Variants in ANO1 observed in about 807,000 individuals in gnomAD.
The protein encoded by ANO1 is anoctamin 1.
Under a neutral mutation model 124.0 loss-of-function variants are expected in ANO1, and 59 were observed. The observed-to-expected ratio is 0.48, with a 90% CI of 0.39 to 0.59. The LOEUF (loss-of-function observed/expected upper bound fraction) is 0.59, where lower values mean the gene tolerates loss of function less well. ANO1 is among the 20% of genes least tolerant of loss of function. The probability of loss-of-function intolerance (pLI) is 0.00; values close to 1 mark genes in which losing one functional copy is unlikely to be tolerated. For missense variants in ANO1, 1,059 were observed against 1,328.0 expected, an observed-to-expected ratio of 0.80 and a Z score of 3.15; for synonymous variants, 529 against 532.0, an observed-to-expected ratio of 0.99 and a Z score of 0.08.
chr11:70,120,625 G>A (rs2046221544), intron 8 of ANO1, among the ~76,000 whole-genome samples: 1 of 152,168 alleles, frequency 6.6e-6, no homozygotes, highest in Non-Finnish European at 1.5e-5. Context: ...GGCCCTGTTG[G>A]AGGCATGGAG....
chr11:70,125,959 G>A (rs2046494623), intron 9 of ANO1, 102 bp from the exon 10 acceptor site: 1 of 1,416,028 alleles, frequency 7.1e-7, no homozygotes, highest in South Asian at 1.5e-5. Context: ...GGGAACCAGT[G>A]CCCCTGGTTT....
At chr11:70,107,076 C>G (rs1365130715) in intron 5 of ANO1, among the ~76,000 whole-genome samples, 1 of 152,042 alleles carries the variant, frequency 6.6e-6, no homozygotes, top group African/African-American at 2.4e-5. Context: ...TGGGCCATAA[C>G]TGCATGTGGA....
intron 1 of ANO1, among the ~76,000 whole-genome samples, chr11:70,038,563 C>T (rs1857130779): frequency 6.6e-6 from 1 of 152,112 alleles, no homozygotes; most frequent in African/African-American, 2.4e-5. Flanking sequence ...CACCCATTTC[C>T]AACAATTTGG....
chr11:70,079,703 C>A (rs866318550), intron 1 of ANO1, among the ~76,000 whole-genome samples: 1 of 152,230 alleles, frequency 6.6e-6, no homozygotes, highest in Non-Finnish European at 1.5e-5. Flanking sequence ...GGCGTCAGGC[C>A]CAGCAGGGCT....
chr11:70,095,323 A>AAG (rs2044846639), intron 2 of ANO1, among the ~76,000 whole-genome samples: 3 of 118,610 alleles, frequency 2.5e-5, no homozygotes, highest in Non-Finnish European at 3.7e-5. Flanking sequence ...AAAGAAAGGA[A>AAG]AGAAAGAAAG....
intron 11 of ANO1, 42 bp from the exon 12 acceptor site, chr11:70,149,668 C>T: frequency 6.4e-7 from 1 of 1,559,046 alleles, no homozygotes; most frequent in Non-Finnish European, 8.7e-7. Flanking sequence ...AAAAAAAATG[C>T]CTTTATGTCA....
At chr11:70,059,091 C>T (rs1857508469) in intron 1 of ANO1, among the ~76,000 whole-genome samples, 1 of 151,544 alleles carries the variant, frequency 6.6e-6, no homozygotes, top group Non-Finnish European at 1.5e-5. Context: ...ACTTAGAAGG[C>T]TGAGGCAGGA....
intron 1 of ANO1, among the ~76,000 whole-genome samples, chr11:70,006,277 T>A (rs1361200754): frequency 1.3e-5 from 2 of 152,198 alleles, no homozygotes; most frequent in African/African-American, 2.4e-5. Flanking sequence ...AAGCGTGTGT[T>A]CCCATTGTCA....
Position 70,078,663 on chromosome 11 carries a change from C to G in ANO1, c.57C>G (p.Ile19Met). The G allele has an allele frequency of 6.7e-7, 1 of 1,501,588 alleles. No individual in the cohort carries two copies. Among genetic ancestry groups the G allele is most frequent in the Non-Finnish European group, 9.0e-7 (1 of 1,114,888 alleles). The allele number at this position is 1,501,588 out of a possible 1,614,324, so 93.0% of individuals were successfully genotyped here. Reference protein sequence around the residue: ...TLPAEDRSVHIINICAIEDIG... With the variant: ...TLPAEDRSVHMINICAIEDIG... Reference sequence around the variant, plus strand: ...CGGCCGAGGACCGCAGCGTCCACATCATCAACATCTGCGCCATCGAGGACA... The same window carrying G: ...CGGCCGAGGACCGCAGCGTCCACATGATCAACATCTGCGCCATCGAGGACA... Residue 19 changes from isoleucine (I) to methionine (M), a missense_variant, in exon 1 of 26, where the codon ATC becomes ATG. Physicochemically the swap from Ile to Met is conservative, Grantham distance 10. Around this residue, in one of 2 missense-constraint regions of ANO1, gnomAD observed 250 missense variants for 233.1 expected, o/e 1.07. Coordinates refer to ENST00000355303, the MANE Select transcript of ANO1 (RefSeq NM_018043.7).
In ANO1 at chr11:70,132,078, G is replaced by C; in HGVS notation, c.1257G>C (p.Trp419Cys). 1 of 1,586,754 alleles carries C rather than the reference G, an allele frequency of 6.3e-7. No homozygotes were observed. The highest frequency in any genetic ancestry group is 8.5e-7 in the Non-Finnish European group (1 of 1,171,258). The change falls in exon 11 of 26, where the codon TGG becomes TGC. Residue 419 changes from tryptophan to cysteine, a missense_variant and splice_region_variant. Around this residue, in one of 2 missense-constraint regions of ANO1, gnomAD observed 809 missense variants for 1,094.9 expected, o/e 0.74. Transcript: ENST00000355303. ...TCTTCTCTGTCTTCATGGCCCTCTG[G>C]GGTAAGCAGGGCTCCAGAGCACTGG... ...TVFFSVFMALWAATFMEHWKR... is the reference protein window; with the variant it reads ...TVFFSVFMALCAATFMEHWKR...
chr11:70,163,990 CTT>C (rs886287252), intron 19 of ANO1, among the ~76,000 whole-genome samples: 1 of 148,688 alleles, frequency 6.7e-6, no homozygotes, highest in African/African-American at 2.5e-5. Context: ...ACTTGGCTAA[CTT>C]TTTTTTTTAC....
At chr11:70,177,583 CTT>C (rs571158513) in intron 22 of ANO1, among the ~76,000 whole-genome samples, 1 of 126,508 alleles carries the variant, frequency 7.9e-6, no homozygotes, top group East Asian at 2.4e-4. Context: ...TTTTTCTTTT[CTT>C]TTTTTTTTCT....
intron 11 of ANO1, among the ~76,000 whole-genome samples, chr11:70,145,221 C>T (rs2047319872): frequency 6.6e-6 from 1 of 152,170 alleles, no homozygotes; most frequent in Non-Finnish European, 1.5e-5. Flanking sequence ...CCACCAGGCG[C>T]AGCACGAGCC....
Position 70,188,062 on chromosome 11 carries a change from C to CCAGG in ANO1, c.*59_*62dup. Reference sequence around the variant, plus strand: ...CATCCTGACCGATGGGCACCCTCTCCCAGGGCAGGCGGCTTCCCGCTCCCA... The same window carrying CCAGG: ...CATCCTGACCGATGGGCACCCTCTCCCAGGCAGGGCAGGCGGCTTCCCGCTCCCA... On this transcript the variant is annotated 3_prime_UTR_variant, in exon 26 of 26. Transcript: ENST00000355303. The CCAGG allele has an allele frequency of 6.6e-7, 1 of 1,512,174 alleles. No individual in the cohort carries two copies. Among genetic ancestry groups the CCAGG allele is most frequent in the Non-Finnish European group, 8.8e-7 (1 of 1,130,294 alleles). The allele number at this position is 1,512,174 out of a possible 1,614,324, so 93.7% of individuals were successfully genotyped here.
At chr11:70,179,632 C>T (rs141972133) in intron 22 of ANO1, among the ~76,000 whole-genome samples, 341 of 152,290 alleles carry the variant, frequency 2.2e-3, no homozygotes, top group African/African-American at 7.6e-3. Context: ...AGGTATCCTC[C>T]GCCAGAGCTT....
At chr11:70,030,077 G>A (rs782415280) in intron 1 of ANO1, among the ~76,000 whole-genome samples, 1 of 152,200 alleles carries the variant, frequency 6.6e-6, no homozygotes, top group South Asian at 2.1e-4. Flanking sequence ...CTTTGCTCAG[G>A]GCAGAGGGAA....
chr11:70,014,001 CAG>C (rs59053874), intron 1 of ANO1, among the ~76,000 whole-genome samples: 76 of 140,456 alleles, frequency 5.4e-4, no homozygotes, highest in Non-Finnish European at 8.4e-4. Flanking sequence ...TGTGCACGGA[CAG>C]AGAGAGAGAG....
Position 70,098,101 on chromosome 11 carries a change from G to A in ANO1, c.442-4965G>A, listed in dbSNP as rs184944281. On this transcript the variant is annotated intron_variant, in intron 2 of 25. Transcript: ENST00000355303. ...GCTCCTGGTGTCTGCCCCCGAGTCCGACGGCAGGAGGATTAGACCACAGCA... is the reference window on the plus strand; with the variant it reads ...GCTCCTGGTGTCTGCCCCCGAGTCCAACGGCAGGAGGATTAGACCACAGCA... 4.4e-3 allele frequency among the ~76,000 whole-genome samples: 671 copies of A among 152,334 alleles called. 8 individuals are homozygous for A. Among genetic ancestry groups the A allele is most frequent in the African/African-American group, 0.014 (600 of 41,582 alleles).
chr11:69,972,626 C>T, the ANO1 span, among the ~76,000 whole-genome samples: 2 of 152,186 alleles, frequency 1.3e-5, no homozygotes, highest in African/African-American at 4.8e-5. Flanking sequence ...TTTGATAAGA[C>T]GGTCCTGTGT....
Sources: gnomAD v4.1 joint callset for allele counts (sites outside exome capture counted in the v4.1 genomes callset) on GRCh38, gnomAD v4.1.1 for gene constraint, gnomAD v4.1.1 regional missense constraint, MANE v1.5 for transcripts, NCBI Gene and HGNC (gene_info 2026-07-23, HGNC 2026-07-21) for gene names.